Variants in ENTREP2 observed in about 807,000 individuals in gnomAD.
The protein encoded by ENTREP2 is protein ENTREP2.
At chr15:29,570,323 G>A in the ENTREP2 span, among the ~76,000 whole-genome samples, 4 of 151,742 alleles carry the variant, frequency 2.6e-5, no homozygotes, top group African/African-American at 7.3e-5. Flanking sequence ...CGAGAGCGGC[G>A]AGCCGGGCCC....
At chr15:29,511,039 G>A in the ENTREP2 span, among the ~76,000 whole-genome samples, 54,072 of 151,660 alleles carry the variant, frequency 0.36, 10,099 homozygotes, top group African/African-American at 0.46. Context: ...GGGGCCTGTC[G>A]GTGCGGTGGG....
the ENTREP2 span, among the ~76,000 whole-genome samples, chr15:29,348,419 G>T: frequency 3.9e-5 from 6 of 152,294 alleles, no homozygotes; most frequent in South Asian, 2.1e-4. Flanking sequence ...CTGCAGCTAC[G>T]TGAGGAACAA....
the ENTREP2 span, among the ~76,000 whole-genome samples, chr15:29,657,042 G>C: frequency 0.064 from 9,688 of 152,106 alleles, 944 homozygotes; most frequent in African/African-American, 0.21. Flanking sequence ...CCTTCGTGGT[G>C]AGTGTTACAG....
chr15:29,311,965 G>C, the ENTREP2 span, among the ~76,000 whole-genome samples: 8,735 of 152,264 alleles, frequency 0.057, 371 homozygotes, highest in Non-Finnish European at 0.084. Flanking sequence ...CATCTCTACA[G>C]ATGCACCAAA....
chr15:29,598,567 A>ATTTTATCATTGCACTGATG, the ENTREP2 span, among the ~76,000 whole-genome samples: 1 of 151,634 alleles, frequency 6.6e-6, no homozygotes, highest in Non-Finnish European at 1.5e-5. Context: ...TTGCACTGGT[A>ATTTTATCATTGCACTGATG]AGATATTTTA....
At chr15:29,488,155 A>C in the ENTREP2 span, among the ~76,000 whole-genome samples, 2 of 152,262 alleles carry the variant, frequency 1.3e-5, no homozygotes, top group Non-Finnish European at 2.9e-5. Context: ...ACTTAAAGGA[A>C]AGAAAGGAAA....
the ENTREP2 span, chr15:29,374,167 T>C: frequency 6.6e-6 from 1 of 152,142 alleles, no homozygotes; most frequent in Admixed American, 6.5e-5. Flanking sequence ...TGTAACACAG[T>C]CTCACAGAAA....
At chr15:29,569,340 T>C in the ENTREP2 span, among the ~76,000 whole-genome samples, 1 of 152,242 alleles carries the variant, frequency 6.6e-6, no homozygotes, top group African/African-American at 2.4e-5. Flanking sequence ...GCTCAGATCT[T>C]ATGGTAAAAG....
chr15:29,470,235 C>A, the ENTREP2 span, among the ~76,000 whole-genome samples: 4 of 152,182 alleles, frequency 2.6e-5, no homozygotes, highest in African/African-American at 4.8e-5. Context: ...CTCGGTGCCC[C>A]CCACTGCCAC....
chr15:29,151,715 A>T, the ENTREP2 span: 33 of 1,533,436 alleles, frequency 2.2e-5, no homozygotes, highest in Non-Finnish European at 2.8e-5. Flanking sequence ...GCAGAGGAGG[A>T]GGGGATCAGG....
the ENTREP2 span, among the ~76,000 whole-genome samples, chr15:29,559,341 C>T: frequency 6.6e-6 from 1 of 152,022 alleles, no homozygotes; most frequent in Non-Finnish European, 1.5e-5. Context: ...TGACTGAGCC[C>T]CCCTGGATTT....
chr15:29,333,865 A>C, the ENTREP2 span, among the ~76,000 whole-genome samples: 1 of 151,996 alleles, frequency 6.6e-6, no homozygotes, highest in Admixed American at 6.6e-5. Context: ...GTCCTTAGGA[A>C]AAGGGGGATT....
chr15:29,510,645 G>A, the ENTREP2 span, among the ~76,000 whole-genome samples: 64,489 of 151,372 alleles, frequency 0.43, 14,144 homozygotes, highest in African/African-American at 0.53. Context: ...CTCTACTAAA[G>A]ATACCAAAAA....
chr15:29,624,871 TTGTGTGTGTG>T, the ENTREP2 span, among the ~76,000 whole-genome samples: 553 of 143,716 alleles, frequency 3.8e-3, 4 homozygotes, highest in African/African-American at 0.013. Flanking sequence ...CTGCATTAAT[TTGTGTGTGTG>T]TGTGTGTGTG....
At chr15:29,233,256 G>C in the ENTREP2 span, among the ~76,000 whole-genome samples, 1 of 152,100 alleles carries the variant, frequency 6.6e-6, no homozygotes, top group Non-Finnish European at 1.5e-5. Context: ...CAGGAATTTG[G>C]CTACCAGATA....
At chr15:29,495,381 G>T in the ENTREP2 span, among the ~76,000 whole-genome samples, 1 of 152,204 alleles carries the variant, frequency 6.6e-6, no homozygotes, top group Admixed American at 6.5e-5. Flanking sequence ...TTGCTCTAAA[G>T]AAATATTTTA....
At chr15:29,300,641 C>T in the ENTREP2 span, among the ~76,000 whole-genome samples, 2 of 152,130 alleles carry the variant, frequency 1.3e-5, no homozygotes, top group African/African-American at 4.8e-5. Flanking sequence ...CTCTGTCAGC[C>T]AGGCCGGAGT....
At chr15:29,249,107 G>A in the ENTREP2 span, among the ~76,000 whole-genome samples, 9 of 152,092 alleles carry the variant, frequency 5.9e-5, no homozygotes, top group South Asian at 1.9e-3. Context: ...TCAGGAGTTC[G>A]AGACCAGTCT....
chr15:29,426,579 C>T, the ENTREP2 span, among the ~76,000 whole-genome samples: 91 of 152,218 alleles, frequency 6.0e-4, no homozygotes, highest in Middle Eastern at 3.4e-3. Context: ...AAAATAGATC[C>T]CCCAGGTGAT....
Sources: allele counts gnomAD v4.1 joint callset (sites outside exome capture counted in the v4.1 genomes callset), GRCh38; gene constraint gnomAD v4.1.1; transcripts MANE v1.5; gene names NCBI Gene and HGNC (gene_info 2026-07-23, HGNC 2026-07-21).